PTGER3: variants seen among roughly 807,000 people sequenced by gnomAD.
PTGER3 encodes prostaglandin E2 receptor EP3 subtype.
PTGER3 carries 22 observed loss-of-function variants against 34.7 expected under a neutral mutation model. That is an observed-to-expected ratio of 0.63 (90% CI 0.45 to 0.91). The LOEUF (loss-of-function observed/expected upper bound fraction) is 0.91. Among genes scored for constraint, PTGER3 ranks in the 40% least tolerant of loss-of-function variants. PTGER3 has a pLI of 0.00. For missense variants in PTGER3, 468 were observed against 519.4 expected, an observed-to-expected ratio of 0.90 and a Z score of 0.96; for synonymous variants, 241 against 230.1, an observed-to-expected ratio of 1.05 and a Z score of -0.43.
At chr1:70,955,744 T>A (rs1030093931) in intron 2 of PTGER3, among the ~76,000 whole-genome samples, 2 of 152,204 alleles carry the variant, frequency 1.3e-5, no homozygotes, top group Non-Finnish European at 2.9e-5. Flanking sequence ...GGTCATTAGT[T>A]CTCAAAGCAG....
At chr1:70,870,743 A>G (rs1270151744) in intron 4 of PTGER3, among the ~76,000 whole-genome samples, 2 of 152,196 alleles carry the variant, frequency 1.3e-5, no homozygotes, top group Non-Finnish European at 2.9e-5. Flanking sequence ...TGGATACAAT[A>G]CAGCCAAATT....
At chr1:70,983,424 C>T (rs1182981610) in intron 2 of PTGER3, among the ~76,000 whole-genome samples, 1 of 152,136 alleles carries the variant, frequency 6.6e-6, no homozygotes, top group African/African-American at 2.4e-5. Context: ...CTGCTCTATG[C>T]CCACATATCA....
chr1:70,923,753 C>A (rs1647780319), intron 4 of PTGER3, among the ~76,000 whole-genome samples: 1 of 152,072 alleles, frequency 6.6e-6, no homozygotes, highest in Non-Finnish European at 1.5e-5. Context: ...CTCCTATGAA[C>A]AAAATTTGGA....
At chr1:70,996,887 C>T (rs892376300) in intron 2 of PTGER3, among the ~76,000 whole-genome samples, 9 of 152,112 alleles carry the variant, frequency 5.9e-5, no homozygotes, top group African/African-American at 1.4e-4. Flanking sequence ...TGGTCTCGAT[C>T]TCCTGACCTC....
intron 4 of PTGER3, among the ~76,000 whole-genome samples, chr1:70,868,881 G>T (rs1323358076): frequency 6.6e-6 from 1 of 152,102 alleles, no homozygotes; most frequent in African/African-American, 2.4e-5. Flanking sequence ...ACAGGAAGTG[G>T]CTCAAGAGAT....
intron 2 of PTGER3, among the ~76,000 whole-genome samples, chr1:70,975,772 T>G (rs1424045259): frequency 6.6e-6 from 1 of 152,122 alleles, no homozygotes; most frequent in African/African-American, 2.4e-5. Flanking sequence ...GCACAGAAAT[T>G]TTATGGTTCT....
chr1:71,033,150 C>T (rs778660900), intron 1 of PTGER3, among the ~76,000 whole-genome samples: 1 of 152,132 alleles, frequency 6.6e-6, no homozygotes, highest in Non-Finnish European at 1.5e-5. Context: ...AAATGGAAAG[C>T]CATATGTAGA....
At chr1:70,965,781 A>T (rs1431649637) in intron 2 of PTGER3, among the ~76,000 whole-genome samples, 1 of 151,860 alleles carries the variant, frequency 6.6e-6, no homozygotes, top group Non-Finnish European at 1.5e-5. Context: ...TTTATCCTGT[A>T]TTTTTCATTG....
intron 4 of PTGER3, among the ~76,000 whole-genome samples, chr1:70,941,581 T>G (rs1009479047): frequency 6.6e-6 from 1 of 152,188 alleles, no homozygotes; most frequent in Non-Finnish European, 1.5e-5. Context: ...AGTATGTTTT[T>G]AACTGAGCCT....
intron 4 of PTGER3, among the ~76,000 whole-genome samples, chr1:70,916,805 T>TA (rs1647183672): frequency 6.6e-6 from 1 of 152,054 alleles, no homozygotes; most frequent in Admixed American, 6.6e-5. Flanking sequence ...TATACCCATA[T>TA]AAAAAATCTG....
intron 2 of PTGER3, chr1:71,006,189 T>C: frequency 2.0e-6 from 2 of 985,258 alleles, no homozygotes; most frequent in South Asian, 9.4e-5. Context: ...AGAATCAAGA[T>C]TGTAGAGACA....
chr1:70,928,887 A>ACG (rs1458405939), intron 4 of PTGER3, among the ~76,000 whole-genome samples: 4 of 151,620 alleles, frequency 2.6e-5, no homozygotes, highest in South Asian at 2.1e-4. Context: ...ACACACACAC[A>ACG]CACACACACT....
At chr1:70,963,462 A>T (rs1212972486) in intron 2 of PTGER3, among the ~76,000 whole-genome samples, 1 of 152,196 alleles carries the variant, frequency 6.6e-6, no homozygotes, top group Non-Finnish European at 1.5e-5. Flanking sequence ...ATATCCAGGC[A>T]TCTGCACACA....
chr1:70,901,015 TCTC>T (rs1330962915), intron 4 of PTGER3, among the ~76,000 whole-genome samples: 4 of 152,204 alleles, frequency 2.6e-5, no homozygotes, highest in East Asian at 1.9e-4. Flanking sequence ...CAAATGGACT[TCTC>T]CTGGGAGAAA....
At chr1:70,943,832 A>T (rs1382375271) in intron 4 of PTGER3, among the ~76,000 whole-genome samples, 3 of 140,630 alleles carry the variant, frequency 2.1e-5, no homozygotes, top group Non-Finnish European at 4.6e-5. Context: ...TACAGATGTG[A>T]AAAGGGAGAG....
chr1:71,026,589 C>G (rs997409230), intron 1 of PTGER3, among the ~76,000 whole-genome samples: 2 of 151,656 alleles, frequency 1.3e-5, no homozygotes, highest in Non-Finnish European at 2.9e-5. Context: ...TGTTTACCCC[C>G]TTAGGCTGCT....
chr1:70,863,927 A>G (rs960801415), intron 4 of PTGER3, among the ~76,000 whole-genome samples: 4 of 152,178 alleles, frequency 2.6e-5, no homozygotes, highest in Non-Finnish European at 5.9e-5. Flanking sequence ...AGGAATTAGC[A>G]TGTCATTCAG....
chr1:71,046,571 C>T, intron 1 of PTGER3, 110 bp downstream of exon 1: 3 of 1,323,394 alleles, frequency 2.3e-6, no homozygotes, highest in Non-Finnish European at 3.0e-6. Flanking sequence ...GACACTTCAG[C>T]GCTCTGCGGT....
intron 4 of PTGER3, among the ~76,000 whole-genome samples, chr1:70,937,687 G>C (rs141576107): frequency 6.6e-6 from 1 of 152,112 alleles, no homozygotes; most frequent in East Asian, 1.9e-4. Context: ...TTTACATAGT[G>C]CTGTGACTCT....
Sources: gnomAD v4.1 joint callset for allele counts (sites outside exome capture counted in the v4.1 genomes callset) on GRCh38, gnomAD v4.1.1 for gene constraint, MANE v1.5 for transcripts, NCBI Gene and HGNC (gene_info 2026-07-23, HGNC 2026-07-21) for gene names.